Variants in ADCY2 observed in about 807,000 individuals in gnomAD.
ADCY2 encodes the protein adenylate cyclase type 2.
In ADCY2, 31 loss-of-function variants were observed where a neutral mutation model predicts 125.2. The observed-to-expected ratio is 0.25, with a 90% confidence interval of 0.19 to 0.33. ADCY2 has a LOEUF of 0.33. Among genes scored for constraint, ADCY2 ranks in the 10% least tolerant of loss-of-function variants. ADCY2 has a pLI of 1.00. For synonymous variants in ADCY2, 512 were observed against 548.4 expected, an observed-to-expected ratio of 0.93 and a Z score of 0.93; for missense variants, 904 against 1,418.2, an observed-to-expected ratio of 0.64 and a Z score of 5.82.
chr5:7,546,375 T>C (rs929037818), intron 3 of ADCY2, among the ~76,000 whole-genome samples: 2 of 152,228 alleles, frequency 1.3e-5, no homozygotes, highest in Admixed American at 1.3e-4. Context: ...TCCAAGGTGT[T>C]TGACACGTTC....
intron 4 of ADCY2, among the ~76,000 whole-genome samples, chr5:7,627,957 G>A (rs28521081): frequency 0.015 from 2,241 of 152,292 alleles, 53 homozygotes; most frequent in African/African-American, 0.049. Flanking sequence ...TTCAGGAACC[G>A]ATGTTTTTGT....
chr5:7,786,252 C>A (rs2126500394), intron 19 of ADCY2, among the ~76,000 whole-genome samples: 1 of 152,264 alleles, frequency 6.6e-6, no homozygotes, highest in African/African-American at 2.4e-5. Flanking sequence ...CTTACTAAGG[C>A]CCCAAGTCTT....
At chr5:7,403,937 TACACACACACACAC>T (rs370540720) in intron 1 of ADCY2, among the ~76,000 whole-genome samples, 4 of 140,544 alleles carry the variant, frequency 2.8e-5, no homozygotes, top group South Asian at 2.3e-4. Context: ...CTTTCAATGC[TACACACACACACAC>T]ACACACACAC....
intron 2 of ADCY2, among the ~76,000 whole-genome samples, chr5:7,480,357 C>T (rs1000984802): frequency 6.6e-6 from 1 of 152,074 alleles, no homozygotes; most frequent in Non-Finnish European, 1.5e-5. Flanking sequence ...AACCTAAATG[C>T]CCAATAATGA....
intron 24 of ADCY2, among the ~76,000 whole-genome samples, chr5:7,823,180 A>C (rs764454338): frequency 6.6e-6 from 1 of 152,260 alleles, no homozygotes; most frequent in Non-Finnish European, 1.5e-5. Context: ...TCTTTTATTC[A>C]GATTGAGTCA....
At chr5:7,783,553 C>T (rs147925484) in intron 18 of ADCY2, among the ~76,000 whole-genome samples, 369 of 152,108 alleles carry the variant, frequency 2.4e-3, no homozygotes, top group African/African-American at 8.6e-3. Flanking sequence ...AAAACAAGGA[C>T]GACACACAAG....
intron 19 of ADCY2, among the ~76,000 whole-genome samples, chr5:7,786,524 G>A (rs987776604): frequency 3.3e-5 from 5 of 152,134 alleles, no homozygotes; most frequent in African/African-American, 9.7e-5. Context: ...TGCTTTCTGA[G>A]CAAATCAGTA....
chr5:7,762,636 T>C (rs1743259855), intron 16 of ADCY2, among the ~76,000 whole-genome samples: 1 of 152,232 alleles, frequency 6.6e-6, no homozygotes, highest in South Asian at 2.1e-4. Flanking sequence ...GTCCCAGGGT[T>C]GTTTCCCTTT....
chr5:7,483,630 A>G (rs965678900), intron 2 of ADCY2, among the ~76,000 whole-genome samples: 12 of 152,190 alleles, frequency 7.9e-5, no homozygotes, highest in Non-Finnish European at 1.3e-4. Context: ...GGGAGATGAC[A>G]TGGCATGGGA....
intron 2 of ADCY2, among the ~76,000 whole-genome samples, chr5:7,487,791 C>T (rs1201512996): frequency 6.6e-6 from 1 of 152,082 alleles, no homozygotes; most frequent in Non-Finnish European, 1.5e-5. Context: ...GACATGAAAC[C>T]ATTTAAAATA....
chr5:7,545,807 C>G (rs888891089), intron 3 of ADCY2, among the ~76,000 whole-genome samples: 1 of 152,156 alleles, frequency 6.6e-6, no homozygotes, highest in Admixed American at 6.5e-5. Flanking sequence ...AATTGCACTT[C>G]CCAGGTAATC....
rs1393887408 is a variant in ADCY2, at chr5:7,802,391, GGCA to G, written c.2775+32_2775+34del. On this transcript the variant is annotated intron_variant, in intron 21 of 24. Coordinates refer to ENST00000338316, the MANE Select transcript of ADCY2 (RefSeq NM_020546.3). This position sits in a 1 kb window ranked among gnomAD's most constrained non-coding sequence, Gnocchi z 4.6. ...TAGGTACTGAGAGTTGCCCTCGAAGGGCAGCAGTACACTCAGTCTCACACCTGT... is the reference window on the plus strand; with the variant it reads ...TAGGTACTGAGAGTTGCCCTCGAAGGGCAGTACACTCAGTCTCACACCTGT... 2 of 1,610,502 alleles carry G rather than the reference GGCA, an allele frequency of 1.2e-6. No homozygotes were observed. Among genetic ancestry groups the G allele is most frequent in the South Asian group, 2.2e-5 (2 of 90,510 alleles).
At chr5:7,630,439 T>G (rs530773669) in intron 4 of ADCY2, among the ~76,000 whole-genome samples, 215 of 152,326 alleles carry the variant, frequency 1.4e-3, no homozygotes, top group Non-Finnish European at 2.1e-3. Flanking sequence ...TTCTTTAAGT[T>G]TTTATAATGT....
chr5:7,757,604 G>A lies in ADCY2; in HGVS notation c.2094+18G>A, dbSNP rs779569301. On this transcript the variant is annotated intron_variant, in intron 16 of 24. Coordinates refer to ENST00000338316, the MANE Select transcript of ADCY2 (RefSeq NM_020546.3). The stretch of plus-strand genomic sequence containing the variant: ...TCAACATGGTAAGTCCCAGAGCACG[G>A]CCGTGTTCAACATGGTAAGCCCCAG... 7 of 1,606,684 alleles carry A rather than the reference G, an allele frequency of 4.4e-6. No homozygotes were observed. The South Asian group carries it at 4.4e-5, about 10-fold the overall frequency.
intron 2 of ADCY2, among the ~76,000 whole-genome samples, chr5:7,501,123 CT>C (rs138836583): frequency 7.0e-4 from 68 of 97,628 alleles, no homozygotes; most frequent in African/African-American, 2.0e-3. Flanking sequence ...TAAATAAAAG[CT>C]TTTTTTTAAA....
chr5:7,603,788 T>TC (rs1737303851), intron 3 of ADCY2, among the ~76,000 whole-genome samples: 1 of 131,834 alleles, frequency 7.6e-6, no homozygotes, highest in African/African-American at 3.2e-5. Context: ...CTCTTTCTTT[T>TC]TTTTTTTTTT....
At chr5:7,657,334 T>C (rs1210329510) in intron 4 of ADCY2, among the ~76,000 whole-genome samples, 1 of 152,258 alleles carries the variant, frequency 6.6e-6, no homozygotes, top group Non-Finnish European at 1.5e-5. Flanking sequence ...GAGTGTCTGC[T>C]TCCTTCATCA....
At chr5:7,556,963 G>A (rs1028591077) in intron 3 of ADCY2, among the ~76,000 whole-genome samples, 2 of 151,760 alleles carry the variant, frequency 1.3e-5, no homozygotes, top group Non-Finnish European at 2.9e-5. Flanking sequence ...GACCCAAAGA[G>A]CACCAACTAC....
intron 4 of ADCY2, among the ~76,000 whole-genome samples, chr5:7,688,763 C>T (rs936117936): frequency 2.0e-5 from 3 of 152,156 alleles, no homozygotes; most frequent in Admixed American, 6.5e-5. Flanking sequence ...AGTGTACGCT[C>T]AGGACCTGCA....
Sources: gnomAD v4.1 joint callset for allele counts (sites outside exome capture counted in the v4.1 genomes callset) on GRCh38, gnomAD v4.1.1 for gene constraint, Gnocchi (gnomAD v3.1) non-coding constraint, MANE v1.5 for transcripts, NCBI Gene and HGNC (gene_info 2026-07-23, HGNC 2026-07-21) for gene names.